The following DCTD variants were observed in gnomAD, a reference collection of about 807,000 sequenced individuals.
DCTD encodes the protein deoxycytidylate deaminase.
In DCTD, 23 loss-of-function variants were observed where a neutral mutation model predicts 21.0. That is an observed-to-expected ratio of 1.09 (90% CI 0.79 to 1.55). The LOEUF is 1.55. DCTD is among the 40% of genes most tolerant of loss of function. DCTD has a pLI of 0.00. For missense variants in DCTD, 224 were observed against 230.0 expected (o/e 0.97, Z 0.17); for synonymous variants, 71 against 81.1 (o/e 0.88, Z 0.67).
At chr4:182,913,129 C>T (rs535168754) in intron 3 of DCTD, among the ~76,000 whole-genome samples, 10 of 152,242 alleles carry the variant, frequency 6.6e-5, no homozygotes, top group African/African-American at 2.4e-4. Flanking sequence ...CAACTAATCA[C>T]TTCCCTTCTT....
chr4:182,916,290 G>A, intron 1 of DCTD: 1 of 761,622 alleles, frequency 1.3e-6, no homozygotes, highest in Non-Finnish European at 1.6e-6. Context: ...GTTTACCAGG[G>A]GCAAGCAGAG....
In DCTD at chr4:182,891,250, T is replaced by C. The variant is rs1733692435; in HGVS notation, c.*149A>G. The C allele has an allele frequency of 1.5e-6, 1 of 659,506 alleles. No individual in the cohort carries two copies. The highest frequency in any genetic ancestry group is 1.8e-5 in the African/African-American group (1 of 55,876). The allele number at this position is 659,506 out of a possible 1,614,324, so 40.9% of individuals were successfully genotyped here. A position where few individuals can be genotyped will look rare whatever the true frequency, so the allele number is the denominator to read the frequency against. ...AGATTCCATGTGACAAGAGAGACAG[T>C]AAGGAAGATTTGAGGCTTTATATTC... On this transcript the variant is annotated 3_prime_UTR_variant, in exon 6 of 6. Coordinates refer to ENST00000438320, the MANE Select transcript of DCTD (RefSeq NM_001921.3).
At chr4:182,915,950 T>C (rs1738656314) in intron 1 of DCTD, 4 of 939,394 alleles carry the variant, frequency 4.3e-6, no homozygotes, top group Middle Eastern at 5.1e-4. Flanking sequence ...TGATCATCTA[T>C]AGATTCCAGA....
chr4:182,893,031 C>G lies in DCTD; in HGVS notation c.458G>C (p.Arg153Pro). 2.5e-6 allele frequency: 4 copies of G among 1,604,582 alleles called. No individual in the cohort carries two copies. Among genetic ancestry groups the G allele is most frequent in the Non-Finnish European group, 2.6e-6 (3 of 1,172,074 alleles). The stretch of plus-strand genomic sequence containing the variant: ...CCCCGCCCGCATTCTCCCCACTTAC[C>G]GGAATGTCACCCCGGCCATATTAAA... ...LLFNMAGVTFRKFIPKCSKIV... is the reference protein window; with the variant it reads ...LLFNMAGVTFPKFIPKCSKIV... The change falls in exon 5 of 6, where the codon CGG (arginine) becomes CCG (proline). Residue 153 changes from arginine (R) to proline (P), a missense_variant and splice_region_variant. Coordinates refer to ENST00000438320, the MANE Select transcript of DCTD (RefSeq NM_001921.3).
At chr4:182,917,594 A>T, upstream of DCTD, 1 of 183,408 alleles carries the variant, frequency 5.5e-6, no homozygotes, top group Non-Finnish European at 1.1e-5. This position sits in a 1 kb window ranked among gnomAD's most constrained non-coding sequence, Gnocchi z 4.9. Flanking sequence ...GGCGGTGTTC[A>T]GAGCCCGAGC....
chr4:182,912,876 T>TGTC (rs1203195716), intron 3 of DCTD, among the ~76,000 whole-genome samples: 5 of 152,164 alleles, frequency 3.3e-5, no homozygotes, highest in African/African-American at 1.2e-4. Flanking sequence ...CCCTCCGCAC[T>TGTC]GTCCAACCAC....
intron 3 of DCTD, among the ~76,000 whole-genome samples, chr4:182,908,176 A>G (rs1023866539): frequency 3.3e-5 from 5 of 152,224 alleles, no homozygotes; most frequent in Non-Finnish European, 7.3e-5. Context: ...TGGTATTAAC[A>G]AAACTCCTGA....
intron 3 of DCTD, among the ~76,000 whole-genome samples, chr4:182,898,100 GT>G (rs1013391621): frequency 2.6e-5 from 4 of 152,352 alleles, no homozygotes; most frequent in African/African-American, 9.6e-5. Context: ...TCAGAGTAAA[GT>G]TTGGGGATTC....
chr4:182,917,279 G>T lies in DCTD; in HGVS notation c.-8+32C>A. ...CGCGGCGGTGGCTAGGGGCGCGCGG[G>T]CCGCGTACCCGCACGGCTGGCCCCC... On this transcript the variant is annotated intron_variant, in intron 1 of 5. Coordinates refer to ENST00000438320, the MANE Select transcript of DCTD (RefSeq NM_001921.3). The surrounding 1 kb of genome is among the most constrained non-coding windows in gnomAD (Gnocchi z 4.9). The T allele has an allele frequency of 9.6e-7, 1 of 1,041,660 alleles. No individual in the cohort carries two copies. The highest frequency in any genetic ancestry group is 1.7e-5 in the African/African-American group (1 of 58,352). 64.5% of individuals were successfully genotyped at this position (1,041,660 alleles called of 1,614,324 possible).
intron 3 of DCTD, among the ~76,000 whole-genome samples, chr4:182,900,996 T>C (rs1168780543): frequency 6.6e-6 from 1 of 152,216 alleles, no homozygotes; most frequent in African/African-American, 2.4e-5. Flanking sequence ...TAATCCTTAC[T>C]GTCTCATGTA....
chr4:182,915,241 C>T (rs1018962085), intron 2 of DCTD, among the ~76,000 whole-genome samples, 183 bp from the exon 3 acceptor site: 3 of 152,222 alleles, frequency 2.0e-5, no homozygotes, highest in East Asian at 1.9e-4. Context: ...AAGGAAAGTG[C>T]ACCCCCAGTC....
chr4:182,914,048 C>T (rs1424935073), intron 3 of DCTD, among the ~76,000 whole-genome samples: 1 of 152,162 alleles, frequency 6.6e-6, no homozygotes, highest in Non-Finnish European at 1.5e-5. Context: ...TGCTCTGTCA[C>T]CCAGGCTGGA....
At chr4:182,915,223 C>T (rs1047281422) in intron 2 of DCTD, among the ~76,000 whole-genome samples, 165 bp from the exon 3 acceptor site, 1 of 152,170 alleles carries the variant, frequency 6.6e-6, no homozygotes, top group African/African-American at 2.4e-5. Context: ...TGGCAGCACC[C>T]ACAAGCCAAG....
In DCTD at chr4:182,917,148, T is replaced by C; in HGVS notation, c.-8+163A>G. 2.0e-6 allele frequency: 2 copies of C among 981,902 alleles called. No individual in the cohort carries two copies. Among genetic ancestry groups the C allele is most frequent in the Non-Finnish European group, 1.2e-6 (1 of 827,564 alleles). 60.8% of individuals were successfully genotyped at this position (981,902 alleles called of 1,614,324 possible). On this transcript the variant is annotated intron_variant, in intron 1 of 5. Coordinates refer to ENST00000438320, the MANE Select transcript of DCTD (RefSeq NM_001921.3). The surrounding 1 kb of genome is among the most constrained non-coding windows in gnomAD (Gnocchi z 4.9). ...CCCGAGCGCCCCCACCCCGCCCGCA[T>C]TCTCCGATCTAAAGGCTGAGCGCGG...
At chr4:182,902,242 G>A (rs943424065) in intron 3 of DCTD, among the ~76,000 whole-genome samples, 1 of 152,128 alleles carries the variant, frequency 6.6e-6, no homozygotes, top group African/African-American at 2.4e-5. Flanking sequence ...AAAAGCTTAT[G>A]AAGTGTTCCC....
intron 3 of DCTD, among the ~76,000 whole-genome samples, chr4:182,912,886 C>T (rs1033019577): frequency 6.6e-6 from 1 of 152,186 alleles, no homozygotes; most frequent in Non-Finnish European, 1.5e-5. Context: ...TGTCCAACCA[C>T]GGGTATCTTT....
chr4:182,907,944 T>C (rs1240508491), intron 3 of DCTD, among the ~76,000 whole-genome samples: 4 of 152,132 alleles, frequency 2.6e-5, no homozygotes, highest in Non-Finnish European at 4.4e-5. Context: ...TCCAGGATTC[T>C]TTCGTGTGAA....
At chr4:182,897,156 A>G (rs909078205) in intron 3 of DCTD, among the ~76,000 whole-genome samples, 6 of 152,130 alleles carry the variant, frequency 3.9e-5, no homozygotes, top group Non-Finnish European at 7.3e-5. Context: ...TACCATATGA[A>G]ACAGATTCTC....
At chr4:182,916,288 G>A in intron 1 of DCTD, 9 of 749,820 alleles carry the variant, frequency 1.2e-5, no homozygotes, top group Non-Finnish European at 1.5e-5. Flanking sequence ...TAGTTTACCA[G>A]GGGCAAGCAG....
Sources: gnomAD v4.1 joint callset for allele counts (sites outside exome capture counted in the v4.1 genomes callset) on GRCh38, gnomAD v4.1.1 for gene constraint, Gnocchi (gnomAD v3.1) non-coding constraint, MANE v1.5 for transcripts, NCBI Gene and HGNC (gene_info 2026-07-23, HGNC 2026-07-21) for gene names.